Variants in TEX11 observed in about 807,000 individuals in gnomAD.
The protein encoded by TEX11 is testis expressed 11, also known as testis-expressed protein 11.
Under a neutral mutation model 84.4 loss-of-function variants are expected in TEX11, and 7 were observed. The ratio of observed to expected loss-of-function variants is 0.08; its 90% CI spans 0.05 to 0.16. The LOEUF (loss-of-function observed/expected upper bound fraction) is 0.16. TEX11 is among the 10% of genes least tolerant of loss of function. TEX11 has a pLI of 1.00. For missense variants in TEX11, 551 were observed against 660.5 expected (o/e 0.83, Z 1.82); for synonymous variants, 264 against 222.8 (o/e 1.18, Z -1.64).
chrX:70,888,451 T>TATAG (rs2091721461), intron 2 of TEX11, among the ~76,000 whole-genome samples: 1 of 111,292 alleles, frequency 9.0e-6, no homozygotes, highest in Non-Finnish European at 1.9e-5. Context: ...AGCATCAGAG[T>TATAG]CCTTTAATAG....
chrX:70,583,964 A>T (rs1429084144), intron 25 of TEX11, among the ~76,000 whole-genome samples: 1 of 112,174 alleles, frequency 8.9e-6, no homozygotes, highest in Non-Finnish European at 1.9e-5. Flanking sequence ...GTACATCAAA[A>T]AATTAGATAA....
intron 11 of TEX11, among the ~76,000 whole-genome samples, chrX:70,734,977 A>G (rs910327950): frequency 2.7e-5 from 3 of 112,355 alleles, no homozygotes; most frequent in African/African-American, 9.7e-5. Context: ...CTTGCTAGAA[A>G]AATTAGAAAA....
intron 20 of TEX11, among the ~76,000 whole-genome samples, chrX:70,616,000 A>G (rs1419788958): frequency 8.9e-6 from 1 of 111,810 alleles, no homozygotes; most frequent in African/African-American, 3.2e-5. Context: ...GATTTCGTCA[A>G]CACCAGACCT....
chrX:70,747,403 C>A (rs753115873), intron 9 of TEX11, among the ~76,000 whole-genome samples: 13 of 112,223 alleles, frequency 1.2e-4, no homozygotes, highest in Admixed American at 2.8e-4. Context: ...TTAGTCCAGC[C>A]AAGTGACTGA....
chrX:70,617,275 T>C (rs1026218013), intron 20 of TEX11, among the ~76,000 whole-genome samples: 12 of 107,067 alleles, frequency 1.1e-4, no homozygotes, highest in African/African-American at 4.0e-4. Flanking sequence ...AGAAGGAAAA[T>C]GATATAGGTC....
At chrX:70,804,371 G>GAAAAA (rs1255687344) in intron 9 of TEX11, among the ~76,000 whole-genome samples, 11 of 112,071 alleles carry the variant, frequency 9.8e-5, no homozygotes, top group African/African-American at 3.6e-4. Context: ...TATTCACTGT[G>GAAAAA]CTACAATTCC....
intron 25 of TEX11, among the ~76,000 whole-genome samples, chrX:70,564,584 G>C (rs1445111945): frequency 3.4e-5 from 3 of 88,388 alleles, no homozygotes; most frequent in African/African-American, 4.4e-5. Context: ...TCCCCAGAGT[G>C]TGATGTTCCC....
intron 2 of TEX11, among the ~76,000 whole-genome samples, chrX:70,895,033 G>A (rs1236974023): frequency 9.0e-6 from 1 of 111,400 alleles, no homozygotes; most frequent in Non-Finnish European, 1.9e-5. Context: ...TTCTGGCCAG[G>A]TCAATGAGGC....
intron 15 of TEX11, among the ~76,000 whole-genome samples, chrX:70,674,420 A>G (rs751520841): frequency 1.6e-3 from 183 of 111,860 alleles, no homozygotes; most frequent in African/African-American, 5.5e-3. Flanking sequence ...ATATCCAGTA[A>G]TGGGATTGCT....
At chrX:70,538,192 T>G (rs1292777469) in intron 28 of TEX11, among the ~76,000 whole-genome samples, 1 of 111,166 alleles carries the variant, frequency 9.0e-6, no homozygotes, top group African/African-American at 3.3e-5. Flanking sequence ...AACTCTGTCT[T>G]GTTTTGGGGG....
chrX:70,544,913 T>A (rs760259950), intron 28 of TEX11, among the ~76,000 whole-genome samples: 159 of 96,420 alleles, frequency 1.6e-3, no homozygotes, highest in African/African-American at 4.2e-3. Flanking sequence ...AAAAAAAAAA[T>A]TTTTTTTTTG....
intron 13 of TEX11, among the ~76,000 whole-genome samples, chrX:70,696,634 T>C (rs187471796): frequency 0.014 from 1,526 of 110,532 alleles, 19 homozygotes; most frequent in African/African-American, 0.048. Context: ...CTAGGTATGG[T>C]GGTGTGCGCC....
chrX:70,720,177 A>G (rs1443679610), intron 13 of TEX11, among the ~76,000 whole-genome samples: 4 of 111,984 alleles, frequency 3.6e-5, no homozygotes, highest in Non-Finnish European at 7.5e-5. Context: ...ACACCATGGA[A>G]TATTATGCAG....
intron 24 of TEX11, among the ~76,000 whole-genome samples, chrX:70,602,107 G>A (rs1258947104): frequency 6.3e-5 from 7 of 111,649 alleles, no homozygotes; most frequent in Non-Finnish European, 9.4e-5. Flanking sequence ...TTCCCAGTAG[G>A]GGCGGCCGGG....
At chrX:70,813,655 A>T (rs1367666121) in intron 8 of TEX11, among the ~76,000 whole-genome samples, 1 of 111,591 alleles carries the variant, frequency 9.0e-6, no homozygotes, top group African/African-American at 3.3e-5. Context: ...GAGGAAGTCA[A>T]ATTGTCCCTG....
chrX:70,599,070 C>T lies in TEX11; in HGVS notation c.2067+6331G>A, dbSNP rs780465665. 1.5e-3 allele frequency among the ~76,000 whole-genome samples: 172 copies of T among 111,351 alleles called. 1 individual carries two copies. The highest frequency in any genetic ancestry group is 5.5e-3 in the African/African-American group (169 of 30,691). Reference sequence around the variant, plus strand: ...GTATGTGAATTATGCCTCAATAAGTCTGTTAAAATATAATCAAGGATAGGG... The same window carrying T: ...GTATGTGAATTATGCCTCAATAAGTTTGTTAAAATATAATCAAGGATAGGG... On this transcript the variant is annotated intron_variant, in intron 24 of 29. Transcript: ENST00000374333.
In TEX11 at chrX:70,894,568, G is replaced by A. The variant is rs754738715; in HGVS notation, c.37+13185C>T. On this transcript the variant is annotated intron_variant, in intron 2 of 29. Transcript: ENST00000374333. ...TTGAACCCGGGAGGAAGAGGTTGCA[G>A]TGAGCCAAGATTGCGCCACTGCCCT... Among the ~76,000 whole-genome samples, 4 of 109,471 alleles carry A rather than the reference G, an allele frequency of 3.7e-5. No homozygotes were observed. In the East Asian group the frequency reaches 1.2e-3, roughly 32 times the overall value.
intron 9 of TEX11, among the ~76,000 whole-genome samples, chrX:70,788,961 TATATATATATATAGAGAGAGAGAGAGAG>T (rs1200878299): frequency 2.2e-5 from 1 of 44,551 alleles, no homozygotes; most frequent in Non-Finnish European, 3.8e-5. Flanking sequence ...TATATATATA[TATATATATATATAGAGAGAGAGAGAGAG>T]AGAGAGAGAG....
intron 4 of TEX11, among the ~76,000 whole-genome samples, chrX:70,872,121 T>C (rs949945719): frequency 8.9e-6 from 1 of 112,095 alleles, no homozygotes; most frequent in Non-Finnish European, 1.9e-5. Context: ...ATATGCAGAA[T>C]GGTAGGAGTT....
Sources: gnomAD v4.1 joint callset for allele counts (sites outside exome capture counted in the v4.1 genomes callset) on GRCh38, gnomAD v4.1.1 for gene constraint, MANE v1.5 for transcripts, NCBI Gene and HGNC (gene_info 2026-07-23, HGNC 2026-07-21) for gene names.